Variants in GABBR2 observed in about 807,000 individuals in gnomAD.
GABBR2 encodes the protein gamma-aminobutyric acid type B receptor subunit 2.
Under a neutral mutation model 105.6 loss-of-function variants are expected in GABBR2, and 23 were observed. That is an observed-to-expected ratio of 0.22 (90% CI 0.16 to 0.31). GABBR2 has a LOEUF of 0.31. Among genes scored for constraint, GABBR2 ranks in the 10% least tolerant of loss-of-function variants. GABBR2 has a pLI of 1.00. For missense variants in GABBR2, 734 were observed against 1,245.5 expected (o/e 0.59, Z 6.18); for synonymous variants, 478 against 499.7 (o/e 0.96, Z 0.58).
intron 3 of GABBR2, among the ~76,000 whole-genome samples, chr9:98,521,490 C>T (rs550559246): frequency 7.9e-5 from 12 of 152,230 alleles, no homozygotes; most frequent in South Asian, 2.1e-4. Context: ...ATTAGATCTA[C>T]GAACAAGCAA....
At chr9:98,548,958 T>C (rs1022422413) in intron 2 of GABBR2, among the ~76,000 whole-genome samples, 2 of 121,586 alleles carry the variant, frequency 1.6e-5, no homozygotes, top group Admixed American at 8.9e-5. Flanking sequence ...TTCTTTGAGA[T>C]GGAGTCCTGC....
intron 3 of GABBR2, among the ~76,000 whole-genome samples, chr9:98,537,590 T>C (rs1588217818): frequency 2.6e-5 from 4 of 151,232 alleles, no homozygotes; most frequent in South Asian, 4.3e-4. Context: ...TGCACCATCA[T>C]GCCCAGTTAA....
intron 7 of GABBR2, among the ~76,000 whole-genome samples, chr9:98,412,635 A>G (rs1226823527): frequency 6.6e-6 from 1 of 152,180 alleles, no homozygotes; most frequent in South Asian, 2.1e-4. Context: ...TCTGGGGCCA[A>G]TCACAGAAAC....
chr9:98,416,186 G>C (rs1832687061), intron 7 of GABBR2, among the ~76,000 whole-genome samples: 1 of 152,144 alleles, frequency 6.6e-6, no homozygotes, highest in South Asian at 2.1e-4. Context: ...CTGGCTCTCA[G>C]CTCTCTCTGG....
intron 7 of GABBR2, among the ~76,000 whole-genome samples, chr9:98,445,643 G>A (rs1463017100): frequency 6.6e-6 from 1 of 152,338 alleles, no homozygotes; most frequent in East Asian, 1.9e-4. Flanking sequence ...AGCCCTGGAG[G>A]GTAAATTGCA....
intron 6 of GABBR2, among the ~76,000 whole-genome samples, chr9:98,465,899 TC>T (rs547116698): frequency 7.2e-4 from 109 of 152,286 alleles, no homozygotes; most frequent in Admixed American, 6.6e-3. Flanking sequence ...CAAATTGCAA[TC>T]CCCAGTGTTG....
chr9:98,635,542 A>T (rs1014521535), intron 1 of GABBR2, among the ~76,000 whole-genome samples: 1 of 152,204 alleles, frequency 6.6e-6, no homozygotes, highest in African/African-American at 2.4e-5. Context: ...GTCATACTCT[A>T]ACTTCAACAA....
chr9:98,375,774 C>G (rs551224), intron 11 of GABBR2, among the ~76,000 whole-genome samples: 49,034 of 152,010 alleles, frequency 0.32, 8,394 homozygotes, highest in African/African-American at 0.43. Flanking sequence ...TCAGAATGCT[C>G]CAGGGGCATT....
chr9:98,521,304 A>C (rs1225399412), intron 3 of GABBR2, among the ~76,000 whole-genome samples: 1 of 152,136 alleles, frequency 6.6e-6, no homozygotes, highest in Admixed American at 6.5e-5. Flanking sequence ...CTTCCTGAGA[A>C]AGTAGTGCGG....
intron 13 of GABBR2, among the ~76,000 whole-genome samples, chr9:98,357,278 T>C (rs1831500579): frequency 6.6e-6 from 1 of 152,258 alleles, no homozygotes; most frequent in African/African-American, 2.4e-5. Context: ...TTTGTACTTC[T>C]GTTAACTTTT....
chr9:98,496,551 G>A, intron 3 of GABBR2, 37 bp from the exon 4 acceptor site: 4 of 1,421,870 alleles, frequency 2.8e-6, no homozygotes, highest in Non-Finnish European at 4.0e-6. Context: ...GGGTGTGCTG[G>A]GGACCACAGG....
At chr9:98,428,047 G>A (rs938282710) in intron 7 of GABBR2, among the ~76,000 whole-genome samples, 3 of 152,200 alleles carry the variant, frequency 2.0e-5, no homozygotes, top group Non-Finnish European at 4.4e-5. Flanking sequence ...TAATAAACAT[G>A]TATTGTTGTT....
chr9:98,310,280 C>T (rs1319582273), intron 14 of GABBR2, among the ~76,000 whole-genome samples: 4 of 151,908 alleles, frequency 2.6e-5, no homozygotes, highest in Non-Finnish European at 5.9e-5. Context: ...CGGAGTTTCG[C>T]TCTTGTTGCC....
In GABBR2 at chr9:98,608,310, T is replaced by C. The variant is rs143056527; in HGVS notation, c.322-30238A>G. Among the ~76,000 whole-genome samples, 438 of 152,338 alleles carry C rather than the reference T, an allele frequency of 2.9e-3. 4 individuals are homozygous for C. The highest frequency in any genetic ancestry group is 0.01 in the African/African-American group (423 of 41,572). ...TGATGGAGATTAAGATGCCGTCAAT[T>C]GTCTAGGGTGTTGTGTACTTAGAAA... On this transcript the variant is annotated intron_variant, in intron 1 of 18. Transcript: ENST00000259455.
rs147415770 is a variant in GABBR2 at position 98,662,466 on chromosome 9, G to A, written c.321+45951C>T. On this transcript the variant is annotated intron_variant, in intron 1 of 18. Coordinates refer to ENST00000259455, the MANE Select transcript of GABBR2 (RefSeq NM_005458.8). ...CCAATTTCAGAGGAGTGTGAAAATCGAAGACACTTCTTAGTAGCATATAAA... is the reference window on the plus strand; with the variant it reads ...CCAATTTCAGAGGAGTGTGAAAATCAAAGACACTTCTTAGTAGCATATAAA... Among the ~76,000 whole-genome samples, 5 of 152,276 alleles carry A rather than the reference G, an allele frequency of 3.3e-5. No homozygotes were observed. The East Asian group carries it at 5.8e-4, about 18-fold the overall frequency.
chr9:98,583,809 T>C (rs1036312892), intron 1 of GABBR2, among the ~76,000 whole-genome samples: 1 of 152,218 alleles, frequency 6.6e-6, no homozygotes, highest in East Asian at 1.9e-4. Flanking sequence ...AAGTCAATGT[T>C]ATGCGTATTT....
At chr9:98,582,672 A>T (rs1177770978) in intron 1 of GABBR2, among the ~76,000 whole-genome samples, 1 of 152,242 alleles carries the variant, frequency 6.6e-6, no homozygotes, top group East Asian at 1.9e-4. Flanking sequence ...TTGAAAAATG[A>T]TCCTTAATTT....
rs1825909042 is a variant in GABBR2 at position 98,436,336 on chromosome 9, A to ATC, written c.1236+17644_1236+17645insGA. Among the ~76,000 whole-genome samples the ATC allele has an allele frequency of 3.9e-4, 26 of 67,052 alleles. 3 individuals are homozygous for ATC. In the East Asian group the frequency reaches 4.8e-3, roughly 12 times the overall value. The allele number at this position is 67,052 out of a possible 152,430, so 44.0% of individuals were successfully genotyped here. On this transcript the variant is annotated intron_variant, in intron 7 of 18. Coordinates refer to ENST00000259455, the MANE Select transcript of GABBR2 (RefSeq NM_005458.8). ...ATATACCATATATATATATATACAC[A>ATC]CACACACACACCATATATATATATA...
At chr9:98,332,799 T>C (rs564760957) in intron 13 of GABBR2, among the ~76,000 whole-genome samples, 1 of 152,332 alleles carries the variant, frequency 6.6e-6, no homozygotes, top group East Asian at 1.9e-4. Flanking sequence ...TCCACGCCCA[T>C]TGGCGGAAAT....
Sources: allele counts gnomAD v4.1 joint callset (sites outside exome capture counted in the v4.1 genomes callset), GRCh38; gene constraint gnomAD v4.1.1; transcripts MANE v1.5; gene names NCBI Gene and HGNC (gene_info 2026-07-23, HGNC 2026-07-21).